Variants in DPP10 observed in about 807,000 individuals in gnomAD.
DPP10 encodes the protein dipeptidyl peptidase like 10.
DPP10 carries 33 observed loss-of-function variants against 120.9 expected under a neutral mutation model. The observed-to-expected ratio is 0.27, with a 90% confidence interval of 0.21 to 0.37. DPP10 has a LOEUF of 0.37. DPP10 is among the 10% of genes least tolerant of loss of function. The pLI, the probability that DPP10 is intolerant of heterozygous loss-of-function variation, is 1.00. For missense variants in DPP10, 816 were observed against 942.8 expected, an observed-to-expected ratio of 0.87 and a Z score of 1.76; for synonymous variants, 337 against 326.1, an observed-to-expected ratio of 1.03 and a Z score of -0.36.
chr2:114,911,298 A>T (rs1441000847), intron 1 of DPP10, among the ~76,000 whole-genome samples: 1 of 152,092 alleles, frequency 6.6e-6, no homozygotes, highest in Non-Finnish European at 1.5e-5. Context: ...CTGCTTTTGT[A>T]TGACTTTGTT....
intron 7 of DPP10, among the ~76,000 whole-genome samples, chr2:115,714,116 C>T (rs973719587): frequency 3.9e-5 from 6 of 152,160 alleles, no homozygotes; most frequent in African/African-American, 1.4e-4. Flanking sequence ...ACCACACCCA[C>T]CTTCCACCAA....
At chr2:115,831,560 C>T (rs1688930062) in intron 21 of DPP10, among the ~76,000 whole-genome samples, 1 of 152,070 alleles carries the variant, frequency 6.6e-6, no homozygotes, top group South Asian at 2.1e-4. Flanking sequence ...TGTAAAATCC[C>T]AGTCTGTCAG....
chr2:115,448,822 A>T (rs1397458666), intron 3 of DPP10, among the ~76,000 whole-genome samples: 4 of 152,064 alleles, frequency 2.6e-5, no homozygotes, highest in African/African-American at 9.7e-5. Context: ...TTCCAGACTG[A>T]ATTGTTTGAA....
chr2:115,586,465 T>G (rs1185307817), intron 5 of DPP10, among the ~76,000 whole-genome samples: 1 of 152,228 alleles, frequency 6.6e-6, no homozygotes, highest in African/African-American at 2.4e-5. Context: ...GATTCTGAGA[T>G]GTAGGATTAC....
chr2:115,470,690 A>T (rs1341848878), intron 3 of DPP10, among the ~76,000 whole-genome samples: 1 of 152,180 alleles, frequency 6.6e-6, no homozygotes, highest in Non-Finnish European at 1.5e-5. Flanking sequence ...CCATTTCTGC[A>T]TAATTTTTTT....
intron 5 of DPP10, among the ~76,000 whole-genome samples, chr2:115,561,697 C>A (rs114949492): frequency 0.011 from 1,684 of 151,996 alleles, 32 homozygotes; most frequent in African/African-American, 0.039. Flanking sequence ...TATTAATTTT[C>A]CTTATGGAAG....
chr2:114,532,609 T>C (rs1159327776), intron 1 of DPP10, among the ~76,000 whole-genome samples: 1 of 152,146 alleles, frequency 6.6e-6, no homozygotes, highest in East Asian at 1.9e-4. Flanking sequence ...TTTAGGTTAA[T>C]TACTTCATTG....
intron 1 of DPP10, among the ~76,000 whole-genome samples, chr2:115,296,937 A>C (rs1229676953): frequency 2.0e-5 from 3 of 152,044 alleles, no homozygotes; most frequent in African/African-American, 7.2e-5. Context: ...TGACTGTTTC[A>C]GAGGAACTAC....
intron 5 of DPP10, among the ~76,000 whole-genome samples, chr2:115,570,770 A>C (rs1240261459): frequency 6.6e-6 from 1 of 152,262 alleles, no homozygotes; most frequent in Non-Finnish European, 1.5e-5. Context: ...ACAGAAATTA[A>C]GTGTTTGCAT....
intron 1 of DPP10, among the ~76,000 whole-genome samples, chr2:115,182,960 A>G (rs947962934): frequency 2.0e-5 from 3 of 152,136 alleles, no homozygotes; most frequent in African/African-American, 7.2e-5. Context: ...CACCCACCCC[A>G]TGGACAACAG....
chr2:114,681,974 G>T lies in DPP10; in HGVS notation c.60+239136G>T, dbSNP rs7570582. 6.4e-3 allele frequency among the ~76,000 whole-genome samples: 979 copies of T among 152,032 alleles called. 10 individuals carry two copies. Among genetic ancestry groups the T allele is most frequent in the African/African-American group, 0.022 (932 of 41,500 alleles). Reference sequence around the variant, plus strand: ...GGAAACTTAGCAAATGGCTGGCCTGGGTCTCACCTAGTAGAAAAAGCTCAG... The same window carrying T: ...GGAAACTTAGCAAATGGCTGGCCTGTGTCTCACCTAGTAGAAAAAGCTCAG... On this transcript the variant is annotated intron_variant, in intron 1 of 25. Transcript: ENST00000410059.
At chr2:114,634,831 GTT>G (rs1695193433) in intron 1 of DPP10, among the ~76,000 whole-genome samples, 1 of 151,772 alleles carries the variant, frequency 6.6e-6, no homozygotes, top group African/African-American at 2.4e-5. Flanking sequence ...AACTTTTATT[GTT>G]CAGTTGTCAC....
chr2:115,563,100 A>G (rs984199026), intron 5 of DPP10, among the ~76,000 whole-genome samples: 4 of 152,208 alleles, frequency 2.6e-5, no homozygotes, highest in African/African-American at 9.6e-5. Context: ...TGGGCAAAGT[A>G]TGAAAACAAA....
At chr2:115,687,280 C>T (rs2149490312) in intron 5 of DPP10, among the ~76,000 whole-genome samples, 1 of 152,022 alleles carries the variant, frequency 6.6e-6, no homozygotes, top group East Asian at 1.9e-4. Context: ...TGCCCTCCCC[C>T]ATATTCTTTA....
At chr2:115,130,442 C>T (rs1457709450) in intron 1 of DPP10, among the ~76,000 whole-genome samples, 3 of 152,078 alleles carry the variant, frequency 2.0e-5, no homozygotes, top group Non-Finnish European at 4.4e-5. Flanking sequence ...ATCTGTGTTC[C>T]CATCCAATCG....
chr2:115,316,992 C>G (rs1469543401), intron 2 of DPP10, among the ~76,000 whole-genome samples: 3 of 152,118 alleles, frequency 2.0e-5, no homozygotes, highest in Admixed American at 6.6e-5. Context: ...ACATGCTACT[C>G]AGGAGGCAGG....
chr2:115,168,635 T>G (rs2105036821), intron 1 of DPP10, among the ~76,000 whole-genome samples: 1 of 152,300 alleles, frequency 6.6e-6, no homozygotes, highest in Non-Finnish European at 1.5e-5. Flanking sequence ...CTTTTAAAAT[T>G]AGCACTTACC....
At chr2:114,521,332 A>T (rs1320451178) in intron 1 of DPP10, among the ~76,000 whole-genome samples, 1 of 151,888 alleles carries the variant, frequency 6.6e-6, no homozygotes, top group Non-Finnish European at 1.5e-5. Flanking sequence ...TAAGAAATAA[A>T]TGTAAAAATA....
chr2:115,435,109 A>C (rs544306389), intron 3 of DPP10, among the ~76,000 whole-genome samples: 4 of 151,432 alleles, frequency 2.6e-5, no homozygotes, highest in African/African-American at 9.7e-5. Context: ...CTGTTATTCC[A>C]TATATTGGCT....
Sources: gnomAD v4.1 joint callset for allele counts (sites outside exome capture counted in the v4.1 genomes callset) on GRCh38, gnomAD v4.1.1 for gene constraint, MANE v1.5 for transcripts, NCBI Gene and HGNC (gene_info 2026-07-23, HGNC 2026-07-21) for gene names.